CSRP1: variants seen among roughly 807,000 people sequenced by gnomAD.
CSRP1 encodes the protein cysteine and glycine-rich protein 1.
Under a neutral mutation model 25.4 loss-of-function variants are expected in CSRP1, and 16 were observed. The ratio of observed to expected loss-of-function variants is 0.63; its 90% CI spans 0.43 to 0.96. The LOEUF (loss-of-function observed/expected upper bound fraction) is 0.96, where lower values mean the gene tolerates loss of function less well. Ranked by LOEUF, CSRP1 falls within the 40% of genes least tolerant of loss-of-function variation. The pLI is 0.00. For synonymous variants in CSRP1, 97 were observed against 95.3 expected, an observed-to-expected ratio of 1.02 and a Z score of -0.10; for missense variants, 212 against 243.6, an observed-to-expected ratio of 0.87 and a Z score of 0.86.
At chr1:201,484,866 C>G in intron 5 of CSRP1, 77 bp from the exon 6 acceptor site, 1 of 1,313,370 alleles carries the variant, frequency 7.6e-7, no homozygotes, top group Non-Finnish European at 1.1e-6. Flanking sequence ...TGCTGAAGAT[C>G]CCCCACTCCT....
Position 201,484,216 on chromosome 1 carries a change from C to A in CSRP1, c.*497G>T. ...ACTCCCTAAGCTGGGACTCCTCAGG[C>A]TTACTCTGAGGGACACCAGGAAGCT... On this transcript the variant is annotated 3_prime_UTR_variant, in exon 6 of 6. Coordinates refer to ENST00000340006, the MANE Select transcript of CSRP1 (RefSeq NM_004078.3). 1.9e-6 allele frequency: 1 copy of A among 531,220 alleles called. No homozygotes were observed. The allele number at this position is 531,220 out of a possible 1,614,324, so 32.9% of individuals were successfully genotyped here. A position where few individuals can be genotyped will look rare whatever the true frequency, so the allele number is the denominator to read the frequency against.
chr1:201,494,511 A>C (rs1486332850), intron 2 of CSRP1, among the ~76,000 whole-genome samples: 4 of 152,034 alleles, frequency 2.6e-5, no homozygotes, highest in Non-Finnish European at 4.4e-5. Context: ...AACCTTGTTT[A>C]CTCCCCATTC....
At chr1:201,485,566 C>T (rs956193526) in intron 4 of CSRP1, 190 bp from the exon 5 acceptor site, 7 of 582,292 alleles carry the variant, frequency 1.2e-5, no homozygotes, top group Non-Finnish European at 2.2e-5. Flanking sequence ...GGACCACACG[C>T]CACCTCGCAC....
chr1:201,487,005 CAAAATAATCCCTG>C (rs1664168863), intron 4 of CSRP1: 1 of 1,298,430 alleles, frequency 7.7e-7, no homozygotes, highest in African/African-American at 1.5e-5. Context: ...ATTGTGACCT[CAAAATAATCCCTG>C]AAAATAAACA....
intron 2 of CSRP1, among the ~76,000 whole-genome samples, chr1:201,494,534 C>A (rs1304796532): frequency 6.6e-6 from 1 of 152,218 alleles, no homozygotes; most frequent in Non-Finnish European, 1.5e-5. Context: ...CAGACGCAGC[C>A]CTGGAGCTGT....
At chr1:201,486,568 G>A in intron 4 of CSRP1, 4 of 990,858 alleles carry the variant, frequency 4.0e-6, no homozygotes, top group Non-Finnish European at 4.8e-6. Flanking sequence ...TAGTCACCCA[G>A]CCTTTGCTGC....
rs754423488 is a variant in CSRP1 at position 201,484,763 on chromosome 1, T to C, written c.532A>G (p.Lys178Glu). 6.8e-6 allele frequency: 11 copies of C among 1,611,966 alleles called. No homozygotes were observed. Among genetic ancestry groups the C allele is most frequent in the African/African-American group, 1.3e-5 (1 of 74,814 alleles). Reference sequence around the variant, plus strand: ...GCTCCTTGCCCAAAACCAAAGCCCTTGGGCCCGAAGTTTTTAGCATAACAT... The same window carrying C: ...GCTCCTTGCCCAAAACCAAAGCCCTCGGGCCCGAAGTTTTTAGCATAACAT... ...KGCYAKNFGPKGFGFGQGAGA... is the reference protein window; with the variant it reads ...KGCYAKNFGPEGFGFGQGAGA... Residue 178 changes from lysine (K) to glutamate (E), a missense_variant, in exon 6 of 6, where the codon AAG becomes GAG. Lys to Glu is a moderately conservative substitution (Grantham distance 56). Coordinates refer to ENST00000340006, the MANE Select transcript of CSRP1 (RefSeq NM_004078.3).
chr1:201,490,630 C>G (rs1664311093), intron 2 of CSRP1: 1 of 333,944 alleles, frequency 3.0e-6, no homozygotes. Flanking sequence ...CTTCCTCAGG[C>G]TGCAGTGCAA....
intron 4 of CSRP1, chr1:201,486,616 T>C: frequency 5.0e-6 from 5 of 1,007,648 alleles, no homozygotes; most frequent in Non-Finnish European, 5.9e-6. Flanking sequence ...CCAAGCTCTC[T>C]AGGCTGGAGA....
chr1:201,503,441 G>A (rs1030120516), intron 1 of CSRP1, among the ~76,000 whole-genome samples: 2 of 152,100 alleles, frequency 1.3e-5, no homozygotes, highest in South Asian at 2.1e-4. Context: ...ACCAACACAC[G>A]CCACCCCTGC....
chr1:201,490,394 C>G (rs765144872), intron 2 of CSRP1, 50 bp from the exon 3 acceptor site: 25 of 1,588,348 alleles, frequency 1.6e-5, no homozygotes, highest in Non-Finnish European at 2.1e-5. Flanking sequence ...CTGGGGTGAC[C>G]TTCTTGCTCA....
At chr1:201,489,247 G>A (rs2102405337) in intron 3 of CSRP1, 1 of 327,742 alleles carries the variant, frequency 3.1e-6, no homozygotes, top group South Asian at 4.2e-5. Flanking sequence ...CACCCCATTT[G>A]CTAAGAATTG....
chr1:201,485,138 A>G, intron 5 of CSRP1, 145 bp downstream of exon 5: 4 of 765,406 alleles, frequency 5.2e-6, no homozygotes, highest in Non-Finnish European at 8.9e-6. Flanking sequence ...TTGTTTCCTC[A>G]TCTGTACAAT....
At chr1:201,495,950 C>A in intron 2 of CSRP1, 1 of 443,584 alleles carries the variant, frequency 2.3e-6, no homozygotes, top group South Asian at 5.5e-5. Context: ...TACAGCTTGG[C>A]TTTCAGCCCC....
intron 4 of CSRP1, chr1:201,488,117 T>C (rs1664204985): frequency 6.6e-6 from 1 of 152,182 alleles, no homozygotes; most frequent in South Asian, 2.1e-4. Context: ...GAAAGACATC[T>C]CTTCTGTGAT....
intron 5 of CSRP1, 119 bp downstream of exon 5, chr1:201,485,164 G>C: frequency 5.8e-6 from 5 of 866,912 alleles, no homozygotes; most frequent in South Asian, 4.3e-5. Flanking sequence ...AATCATACTA[G>C]ATGTTCAGAT....
chr1:201,489,566 G>T (rs2070942), intron 3 of CSRP1: 69,315 of 156,374 alleles, frequency 0.44, 19,001 homozygotes, highest in Non-Finnish European at 0.63. Flanking sequence ...AGACAGTGAG[G>T]CTGGTGTGGC....
intron 1 of CSRP1, among the ~76,000 whole-genome samples, chr1:201,503,513 C>T (rs1382964252): frequency 1.3e-5 from 2 of 152,168 alleles, no homozygotes; most frequent in African/African-American, 2.4e-5. Flanking sequence ...TGGGGCTGAG[C>T]TCCAGCTGCT....
intron 1 of CSRP1, among the ~76,000 whole-genome samples, chr1:201,502,295 G>T (rs886175577): frequency 6.6e-6 from 1 of 152,198 alleles, no homozygotes; most frequent in African/African-American, 2.4e-5. Flanking sequence ...TAGCTCCCTC[G>T]CATTAGCTGA....
Sources: gnomAD v4.1 joint callset for allele counts (sites outside exome capture counted in the v4.1 genomes callset) on GRCh38, gnomAD v4.1.1 for gene constraint, MANE v1.5 for transcripts, NCBI Gene and HGNC (gene_info 2026-07-23, HGNC 2026-07-21) for gene names.